Variants in ATP9B observed in about 807,000 individuals in gnomAD.
ATP9B encodes ATPase phospholipid transporting 9B.
ATP9B carries 110 observed loss-of-function variants against 146.1 expected under a neutral mutation model. The observed-to-expected ratio is 0.75, with a 90% confidence interval of 0.65 to 0.88. The LOEUF (loss-of-function observed/expected upper bound fraction) is 0.88, where lower values mean the gene tolerates loss of function less well. Among genes scored for constraint, ATP9B ranks in the 40% least tolerant of loss-of-function variants. The pLI is 0.00. For synonymous variants in ATP9B, 604 were observed against 569.7 expected (o/e 1.06, Z -0.86); for missense variants, 1,499 against 1,496.4 (o/e 1.00, Z -0.03).
intron 5 of ATP9B, among the ~76,000 whole-genome samples, chr18:79,131,741 T>C (rs921927239): frequency 2.0e-5 from 3 of 152,234 alleles, no homozygotes; most frequent in Admixed American, 6.5e-5. Context: ...GATAAACGAA[T>C]GGATAGCAAA....
chr18:79,221,812 C>CTT (rs11296943), intron 11 of ATP9B, among the ~76,000 whole-genome samples: 5 of 135,276 alleles, frequency 3.7e-5, no homozygotes, highest in Non-Finnish European at 6.3e-5. Context: ...ATTATAAAGG[C>CTT]TTTTTTTTTT....
At chr18:79,105,586 T>C (rs2075598378) in intron 2 of ATP9B, among the ~76,000 whole-genome samples, 1 of 152,350 alleles carries the variant, frequency 6.6e-6, no homozygotes. Flanking sequence ...CTTTTAAAAC[T>C]TTGAATCTTT....
At chr18:79,080,304 C>T (rs1261390267) in intron 1 of ATP9B, among the ~76,000 whole-genome samples, 1 of 152,030 alleles carries the variant, frequency 6.6e-6, no homozygotes, top group African/African-American at 2.4e-5. Context: ...TGTTTGTGTC[C>T]TCTCTTATTT....
rs371121796 is a variant in ATP9B, at chr18:79,253,493, G to A, written c.1220G>A (p.Arg407His). 32 of 1,608,614 alleles carry A rather than the reference G, an allele frequency of 2.0e-5. No individual in the cohort carries two copies. Among genetic ancestry groups the A allele is most frequent in the South Asian group, 3.3e-5 (3 of 89,590 alleles). Reference sequence around the variant, plus strand: ...CAAGGATTTGTGGGTCCATGGTACCGCAATCTTTTTCGGTTCCTTCTCCTC... The same window carrying A: ...CAAGGATTTGTGGGTCCATGGTACCACAATCTTTTTCGGTTCCTTCTCCTC... ...TLQGFVGPWY[R>H]NLFRFLLLFS... Residue 407 changes from arginine to histidine, a missense_variant, in exon 12 of 30, where the codon CGC becomes CAC. Physicochemically the swap from Arg to His is conservative, Grantham distance 29. Coordinates refer to ENST00000426216, the MANE Select transcript of ATP9B (RefSeq NM_198531.5).
At chr18:79,275,973 A>G (rs1296625754) in intron 12 of ATP9B, among the ~76,000 whole-genome samples, 1 of 152,180 alleles carries the variant, frequency 6.6e-6, no homozygotes, top group Admixed American at 6.5e-5. Flanking sequence ...TGTGATTCCT[A>G]AAGACTATTT....
chr18:79,363,345 GA>G (rs2097001643), intron 26 of ATP9B: 1 of 18,760 alleles, frequency 5.3e-5, no homozygotes, highest in East Asian at 2.6e-3. Context: ...ATTGAGGAAA[GA>G]AACTGTAAAA....
At chr18:79,298,975 C>T (rs370687112) in intron 13 of ATP9B, among the ~76,000 whole-genome samples, 4 of 112,782 alleles carry the variant, frequency 3.5e-5, no homozygotes, top group African/African-American at 1.3e-4. Flanking sequence ...GTCTTGGATC[C>T]GGAGCCTCCA....
chr18:79,188,718 A>G (rs555025846), intron 8 of ATP9B, among the ~76,000 whole-genome samples: 10 of 152,346 alleles, frequency 6.6e-5, no homozygotes, highest in African/African-American at 2.4e-4. Context: ...AGACCTTGGT[A>G]GATGAGTAGT....
chr18:79,301,489 G>A (rs2096590217), intron 13 of ATP9B, among the ~76,000 whole-genome samples: 1 of 152,200 alleles, frequency 6.6e-6, no homozygotes, highest in South Asian at 2.1e-4. Context: ...ACAAACAAAT[G>A]TATGAAGCAC....
intron 1 of ATP9B, among the ~76,000 whole-genome samples, chr18:79,093,332 A>T (rs190516138): frequency 2.5e-4 from 38 of 152,160 alleles, no homozygotes; most frequent in African/African-American, 9.1e-4. Flanking sequence ...CTGCTTTCAC[A>T]GTTCTTTTCT....
chr18:79,096,502 A>T lies in ATP9B; in HGVS notation c.146A>T (p.His49Leu), dbSNP rs148439063. Residue 49 changes from histidine to leucine, a missense_variant, in exon 2 of 30, where the codon CAT becomes CTT. By Grantham distance (99) the His-to-Leu change is moderately conservative. Coordinates refer to ENST00000426216, the MANE Select transcript of ATP9B (RefSeq NM_198531.5). ...TACCAGCTGGAGGATGAGTCTGCGC[A>T]TTTGGATGAAATGCCACTAATGATG... The part of the protein sequence containing the change: ...SRYQLEDESA[H>L]LDEMPLMMSE... The T allele has an allele frequency of 6.5e-5, 105 of 1,613,950 alleles. No individual in the cohort carries two copies. Among genetic ancestry groups the T allele is most frequent in the Non-Finnish European group, 8.1e-5 (96 of 1,179,986 alleles).
intron 15 of ATP9B, among the ~76,000 whole-genome samples, chr18:79,312,710 G>A (rs1156332111): frequency 6.6e-6 from 1 of 152,190 alleles, no homozygotes; most frequent in Non-Finnish European, 1.5e-5. Flanking sequence ...AGGAATATTG[G>A]TCCTTAAAAC....
chr18:79,121,276 G>T (rs987708380), intron 4 of ATP9B, among the ~76,000 whole-genome samples: 2 of 152,218 alleles, frequency 1.3e-5, no homozygotes, highest in South Asian at 2.1e-4. Context: ...GACAAGCCAC[G>T]TGAGAAGAAG....
At chr18:79,123,248 C>A (rs2094220188) in intron 4 of ATP9B, among the ~76,000 whole-genome samples, 1 of 151,954 alleles carries the variant, frequency 6.6e-6, no homozygotes, top group African/African-American at 2.4e-5. Context: ...GATGAACATA[C>A]AAAAGTCACT....
At chr18:79,213,936 C>T (rs372263037) in intron 10 of ATP9B, 26 bp from the exon 11 acceptor site, 2 of 1,538,388 alleles carry the variant, frequency 1.3e-6, no homozygotes, top group Admixed American at 2.0e-5. Flanking sequence ...AGTATTTCTA[C>T]AAGGACCACT....
chr18:79,200,577 C>G (rs1037991936), intron 9 of ATP9B, among the ~76,000 whole-genome samples: 1 of 152,144 alleles, frequency 6.6e-6, no homozygotes, highest in Non-Finnish European at 1.5e-5. Flanking sequence ...AAAAAGGCAA[C>G]TCATAAAATA....
intron 11 of ATP9B, among the ~76,000 whole-genome samples, chr18:79,230,824 C>T (rs926889790): frequency 1.3e-5 from 2 of 151,972 alleles, no homozygotes; most frequent in African/African-American, 2.4e-5. Context: ...GGCATATAGA[C>T]CAATGGAACA....
intron 1 of ATP9B, chr18:79,095,675 A>G (rs1173858996): frequency 6.6e-6 from 1 of 152,210 alleles, no homozygotes. Context: ...CATTGAGACA[A>G]TGCCTCCACA....
chr18:79,250,842 T>G (rs2096015876), intron 11 of ATP9B, among the ~76,000 whole-genome samples: 1 of 152,210 alleles, frequency 6.6e-6, no homozygotes, highest in African/African-American at 2.4e-5. Context: ...TTACTGGTAC[T>G]GTGGCTGACC....
Sources: gnomAD v4.1 joint callset for allele counts (sites outside exome capture counted in the v4.1 genomes callset) on GRCh38, gnomAD v4.1.1 for gene constraint, MANE v1.5 for transcripts, NCBI Gene and HGNC (gene_info 2026-07-23, HGNC 2026-07-21) for gene names.